XXYLT1: variants seen among roughly 807,000 people sequenced by gnomAD.
XXYLT1 encodes the protein xyloside xylosyltransferase 1, also known as UDP-xylose:alpha-xyloside alpha-1,3-xylosyltransferase.
A neutral mutation model predicts 28.9 loss-of-function variants in XXYLT1; 20 were observed. The ratio of observed to expected loss-of-function variants is 0.69; its 90% CI spans 0.49 to 1.00. The LOEUF (loss-of-function observed/expected upper bound fraction) is 1.00, where lower values mean the gene tolerates loss of function less well. XXYLT1 is among the 50% of genes least tolerant of loss of function. XXYLT1 has a pLI of 0.00. For synonymous variants in XXYLT1, 257 were observed against 253.8 expected (o/e 1.01, Z -0.12); for missense variants, 542 against 560.1 (o/e 0.97, Z 0.33).
Position 195,173,140 on chromosome 3 carries a change from C to G in XXYLT1, c.653-16559G>C, listed in dbSNP as rs1321062921. ...CTTGCAAGTCCATCAGGAGCTCTGG[C>G]TCTCTAGACGGTGCTCCCAACAGTG... On this transcript the variant is annotated intron_variant, in intron 2 of 3. Coordinates refer to ENST00000310380, the MANE Select transcript of XXYLT1 (RefSeq NM_152531.5). This position sits in a 1 kb window ranked among gnomAD's most constrained non-coding sequence, Gnocchi z 4.3. 6.6e-6 allele frequency among the ~76,000 whole-genome samples: 1 copy of G among 152,206 alleles called. No homozygotes were observed. Among genetic ancestry groups the G allele is most frequent in the Non-Finnish European group, 1.5e-5 (1 of 68,026 alleles).
At chr3:195,137,942 G>A (rs546014461) in intron 3 of XXYLT1, among the ~76,000 whole-genome samples, 27 of 152,318 alleles carry the variant, frequency 1.8e-4, no homozygotes, top group Middle Eastern at 3.4e-3. Context: ...GTGAGTCCCA[G>A]ATCTCAAATA....
In XXYLT1 at chr3:195,112,258, G is replaced by A. The variant is rs866198985; in HGVS notation, c.786-42147C>T. On this transcript the variant is annotated intron_variant, in intron 3 of 3. Coordinates refer to ENST00000310380, the MANE Select transcript of XXYLT1 (RefSeq NM_152531.5). Reference sequence around the variant, plus strand: ...TCAGGTTCTGTGGGCTGCCATGGCTGAACACTGGGCAAACACGGGTTTCGC... The same window carrying A: ...TCAGGTTCTGTGGGCTGCCATGGCTAAACACTGGGCAAACACGGGTTTCGC... Among the ~76,000 whole-genome samples the A allele has an allele frequency of 5.9e-5, 9 of 152,272 alleles. 1 individual carries two copies. In the Middle Eastern group the frequency reaches 0.024, roughly 403 times the overall value.
At chr3:195,232,511 A>G (rs1007925700) in intron 1 of XXYLT1, among the ~76,000 whole-genome samples, 1 of 151,944 alleles carries the variant, frequency 6.6e-6, no homozygotes, top group Non-Finnish European at 1.5e-5. Flanking sequence ...TTTTTGATGT[A>G]GGCATTTATA....
chr3:195,177,807 C>T (rs550591282), intron 2 of XXYLT1, among the ~76,000 whole-genome samples: 4 of 151,932 alleles, frequency 2.6e-5, no homozygotes, highest in African/African-American at 9.7e-5. Context: ...GCTAGGCATG[C>T]GCCTGTAGTC....
At chr3:195,132,322 C>G (rs1214580058) in intron 3 of XXYLT1, among the ~76,000 whole-genome samples, 1 of 152,040 alleles carries the variant, frequency 6.6e-6, no homozygotes, top group Non-Finnish European at 1.5e-5. Flanking sequence ...AAGAAATTAG[C>G]CAGGCATGGC....
chr3:195,270,597 C>T lies in XXYLT1; in HGVS notation c.462G>A (p.Leu154=), dbSNP rs1335345313. 2.8e-6 allele frequency: 4 copies of T among 1,410,168 alleles called. No individual in the cohort carries two copies. The highest frequency in any genetic ancestry group is 3.7e-6 in the Non-Finnish European group (4 of 1,083,490). The allele number at this position is 1,410,168 out of a possible 1,614,324, so 87.4% of individuals were successfully genotyped here. A position where few individuals can be genotyped will look rare whatever the true frequency, so the allele number is the denominator to read the frequency against. ...EEASREVAKG[L]LRELLPPAAG... is the part of the protein sequence containing the mutation. ...CGGCGGGCGGCAGGAGCTCCCGCAG[C>T]AGGCCCTTGGCCACCTCGCGGCTGG... The change falls in exon 1 of 4, where the codon CTG becomes CTA. Residue 154 remains leucine, a synonymous_variant. Coordinates refer to ENST00000310380, the MANE Select transcript of XXYLT1 (RefSeq NM_152531.5).
intron 3 of XXYLT1, among the ~76,000 whole-genome samples, chr3:195,108,790 A>G (rs1717289183): frequency 6.6e-6 from 1 of 152,238 alleles, no homozygotes; most frequent in South Asian, 2.1e-4. Flanking sequence ...CGGGACCACC[A>G]TCATATATTG....
At chr3:195,084,134 G>T (rs1301456574) in intron 3 of XXYLT1, among the ~76,000 whole-genome samples, 1 of 152,228 alleles carries the variant, frequency 6.6e-6, no homozygotes, top group Admixed American at 6.5e-5. Flanking sequence ...GCTGGAGTGA[G>T]AAATAACATC....
Position 195,124,874 on chromosome 3 carries a change from C to T in XXYLT1, c.785+31575G>A, listed in dbSNP as rs998913853. 1.3e-5 allele frequency among the ~76,000 whole-genome samples: 2 copies of T among 152,132 alleles called. No homozygotes were observed. The highest frequency in any genetic ancestry group is 1.5e-5 in the Non-Finnish European group (1 of 68,034). On this transcript the variant is annotated intron_variant, in intron 3 of 3. Transcript: ENST00000310380. This position sits in a 1 kb window ranked among gnomAD's most constrained non-coding sequence, Gnocchi z 4.1. ...CGGCACTGGCAGCGTTTTTCACGGACGCAGCACACATCTGTATTTTCTATC... is the reference window on the plus strand; with the variant it reads ...CGGCACTGGCAGCGTTTTTCACGGATGCAGCACACATCTGTATTTTCTATC...
chr3:195,182,492 T>C (rs1490845485), intron 2 of XXYLT1, among the ~76,000 whole-genome samples: 1 of 152,194 alleles, frequency 6.6e-6, no homozygotes, highest in Non-Finnish European at 1.5e-5. Flanking sequence ...TATATGCAAA[T>C]GGGCAAGCCT....
At chr3:195,233,301 G>A (rs771212254) in intron 1 of XXYLT1, among the ~76,000 whole-genome samples, 14 of 151,784 alleles carry the variant, frequency 9.2e-5, no homozygotes, top group Non-Finnish European at 1.6e-4. Flanking sequence ...AGATCATTGG[G>A]TCTTAAAAAA....
intron 1 of XXYLT1, 61 bp downstream of exon 1, chr3:195,270,494 C>T: frequency 7.4e-7 from 1 of 1,349,244 alleles, no homozygotes; most frequent in Non-Finnish European, 9.5e-7. Context: ...GGAGCGCAAA[C>T]TGACCTCGCC....
intron 3 of XXYLT1, among the ~76,000 whole-genome samples, chr3:195,149,220 C>T (rs1477097168): frequency 1.3e-5 from 2 of 152,200 alleles, no homozygotes; most frequent in African/African-American, 4.8e-5. Context: ...TACACACACA[C>T]ACCCCCTGAT....
rs1718776267 is a variant in XXYLT1, at chr3:195,129,105, GA to G, written c.785+27343del. On this transcript the variant is annotated intron_variant, in intron 3 of 3. Transcript: ENST00000310380. The surrounding 1 kb of genome is among the most constrained non-coding windows in gnomAD (Gnocchi z 4.4). ...AGTACTTAATGCTTGTTCTACCCTGGAAAAAATATTGTGTGGGGGGAAGGTC... is the reference window on the plus strand; with the variant it reads ...AGTACTTAATGCTTGTTCTACCCTGGAAAAATATTGTGTGGGGGGAAGGTC... Among the ~76,000 whole-genome samples, 2 of 152,272 alleles carry G rather than the reference GA, an allele frequency of 1.3e-5. No individual in the cohort carries two copies. Among genetic ancestry groups the G allele is most frequent in the South Asian group, 4.1e-4 (2 of 4,830 alleles).
At position 195,198,521 on chromosome 3, in the gene XXYLT1, C is replaced by T. The variant is rs139271751; in HGVS notation, c.652+28188G>A. Among the ~76,000 whole-genome samples the T allele has an allele frequency of 3.7e-4, 57 of 152,248 alleles. No individual in the cohort carries two copies. In the East Asian group the frequency reaches 0.01, roughly 28 times the overall value. ...AGCTGGGATGTAAAAACTTCCCAAC[C>T]GAAGCCACCCTAACAAAAGCAATAA... On this transcript the variant is annotated intron_variant, in intron 2 of 3. Coordinates refer to ENST00000310380, the MANE Select transcript of XXYLT1 (RefSeq NM_152531.5).
At chr3:195,214,522 CGTCAGCCCCTTTCA>C (rs1191298016) in intron 2 of XXYLT1, among the ~76,000 whole-genome samples, 1 of 152,134 alleles carries the variant, frequency 6.6e-6, no homozygotes, top group Non-Finnish European at 1.5e-5. Context: ...CAGCATGCAC[CGTCAGCCCCTTTCA>C]GTCAGGATCT....
intron 2 of XXYLT1, among the ~76,000 whole-genome samples, chr3:195,223,950 A>G (rs1723937652): frequency 6.6e-6 from 1 of 152,110 alleles, no homozygotes; most frequent in African/African-American, 2.4e-5. Context: ...TGAGGTCAGG[A>G]GTTTGAGACC....
chr3:195,250,321 C>T (rs970519784), intron 1 of XXYLT1, among the ~76,000 whole-genome samples: 8 of 152,140 alleles, frequency 5.3e-5, no homozygotes, highest in Admixed American at 1.3e-4. Context: ...CCAGAACTTT[C>T]GGAGGCCGAG....
At position 195,270,931 on chromosome 3, in the gene XXYLT1, G is replaced by C; in HGVS notation, c.128C>G (p.Ser43Ter). Residue 43 changes from serine to a stop codon, truncating the protein, a stop_gained, in exon 1 of 4, where the codon TCA (serine) becomes TGA (stop). Transcript: ENST00000310380. LOFTEE classifies it high-confidence loss of function. The stretch of plus-strand genomic sequence containing the variant: ...GGCGCTGGAGAAGGTCTCCCGGCCT[G>C]AGCCGAGGTAGTAGAAGGCGCAGAC... Reference protein sequence around the residue: ...LAVCAFYYLGSGRETFSSATK... With the variant: ...LAVCAFYYLG The C allele has an allele frequency of 6.7e-7, 1 of 1,488,730 alleles. No homozygotes were observed. Among genetic ancestry groups the C allele is most frequent in the South Asian group, 1.3e-5 (1 of 78,446 alleles). 92.2% of individuals were successfully genotyped at this position (1,488,730 alleles called of 1,614,324 possible).
Sources: allele counts gnomAD v4.1 joint callset (sites outside exome capture counted in the v4.1 genomes callset), GRCh38; gene constraint gnomAD v4.1.1; non-coding constraint Gnocchi (gnomAD v3.1); transcripts MANE v1.5; gene names NCBI Gene and HGNC (gene_info 2026-07-23, HGNC 2026-07-21).